Variants in CMSS1 observed in about 807,000 individuals in gnomAD.
CMSS1 encodes protein CMSS1.
Under a neutral mutation model 43.5 loss-of-function variants are expected in CMSS1, and 33 were observed. The observed-to-expected ratio is 0.76, with a 90% CI of 0.57 to 1.01. The LOEUF (loss-of-function observed/expected upper bound fraction) is 1.01. CMSS1 is among the 50% of genes least tolerant of loss of function. The pLI, the probability that CMSS1 is intolerant of heterozygous loss-of-function variation, is 0.00. For missense variants in CMSS1, 313 were observed against 326.4 expected (o/e 0.96, Z 0.32); for synonymous variants, 115 against 117.2 (o/e 0.98, Z 0.12).
intron 1 of CMSS1, among the ~76,000 whole-genome samples, chr3:99,933,118 G>A (rs1425215666): frequency 1.3e-5 from 2 of 152,136 alleles, no homozygotes; most frequent in Non-Finnish European, 2.9e-5. Context: ...TGGCAAAACT[G>A]GGATTTGAGT....
chr3:99,992,688 T>C (rs947810007), intron 1 of CMSS1, among the ~76,000 whole-genome samples: 1 of 151,188 alleles, frequency 6.6e-6, no homozygotes, highest in African/African-American at 2.4e-5. Flanking sequence ...ATTTGTCTAG[T>C]TTTTTTTTGG....
chr3:100,132,549 G>A (rs2066717101), intron 1 of CMSS1, among the ~76,000 whole-genome samples: 1 of 152,092 alleles, frequency 6.6e-6, no homozygotes. Flanking sequence ...GCCAGGTGCG[G>A]TGGCTCACGC....
intron 1 of CMSS1, among the ~76,000 whole-genome samples, chr3:100,060,772 G>A (rs1234239982): frequency 6.6e-6 from 1 of 152,134 alleles, no homozygotes; most frequent in Non-Finnish European, 1.5e-5. Flanking sequence ...TGAGGTGGGA[G>A]GATAACGAGC....
rs116321051 is a variant in CMSS1, at chr3:99,842,924, G to A, written c.64+24881G>A. Among the ~76,000 whole-genome samples the A allele has an allele frequency of 5.7e-3, 867 of 152,288 alleles. 10 individuals are homozygous for A. Among genetic ancestry groups the A allele is most frequent in the African/African-American group, 0.016 (667 of 41,550 alleles). Reference sequence around the variant, plus strand: ...CTCCCTCAAGATTCCTTACCCTACAGCATTGCCTTTGGGGGATGGCTGCTC... The same window carrying A: ...CTCCCTCAAGATTCCTTACCCTACAACATTGCCTTTGGGGGATGGCTGCTC... On this transcript the variant is annotated intron_variant, in intron 1 of 9. Transcript: ENST00000421999.
At chr3:100,139,357 A>AT (rs1559769003) in intron 1 of CMSS1, among the ~76,000 whole-genome samples, 1 of 151,742 alleles carries the variant, frequency 6.6e-6, no homozygotes, top group Non-Finnish European at 1.5e-5. Context: ...TAAAAAAAAA[A>AT]CCCTTGAAAC....
At chr3:99,892,019 C>T (rs1234420347) in intron 1 of CMSS1, among the ~76,000 whole-genome samples, 3 of 152,116 alleles carry the variant, frequency 2.0e-5, no homozygotes, top group Non-Finnish European at 2.9e-5. Context: ...GTTGTTACTT[C>T]TTAGTTCAGG....
chr3:99,853,683 C>T (rs1943817386), intron 1 of CMSS1, among the ~76,000 whole-genome samples: 1 of 152,088 alleles, frequency 6.6e-6, no homozygotes, highest in Admixed American at 6.5e-5. Flanking sequence ...AGTTGGCATC[C>T]CCATCTGTTC....
At chr3:100,089,736 G>A (rs1006669427) in intron 1 of CMSS1, among the ~76,000 whole-genome samples, 7 of 152,140 alleles carry the variant, frequency 4.6e-5, no homozygotes, top group African/African-American at 1.7e-4. Flanking sequence ...TTCATTGCTC[G>A]TTAATAATCT....
intron 1 of CMSS1, among the ~76,000 whole-genome samples, chr3:99,935,517 G>A (rs571177231): frequency 2.6e-5 from 4 of 152,282 alleles, no homozygotes; most frequent in African/African-American, 9.6e-5. Context: ...CAGGGTCTGT[G>A]TTGTTGCTTA....
chr3:100,172,072 A>G, intron 7 of CMSS1, 173 bp downstream of exon 7: 1 of 641,228 alleles, frequency 1.6e-6, no homozygotes, highest in Non-Finnish European at 2.7e-6. Flanking sequence ...CTACCTCCCC[A>G]GTATGGCAGT....
chr3:99,965,907 G>T (rs975932319), intron 1 of CMSS1, among the ~76,000 whole-genome samples: 1 of 152,084 alleles, frequency 6.6e-6, no homozygotes, highest in Non-Finnish European at 1.5e-5. Context: ...GACCATTTCT[G>T]TACATAAGGC....
Position 100,162,377 on chromosome 3 carries a change from G to A in CMSS1, c.300G>A (p.Lys100=), listed in dbSNP as rs761596630. ...CTGAAGACCTACAGAAGCTGATGAAGGACTATTATAGCAGCAGACGCTTGG... is the reference window on the plus strand; with the variant it reads ...CTGAAGACCTACAGAAGCTGATGAAAGACTATTATAGCAGCAGACGCTTGG... ...GLPEDLQKLM[K]DYYSSRRLVI... Residue 100 remains lysine, a synonymous_variant, in exon 4 of 10, where the codon AAG becomes AAA. Coordinates refer to ENST00000421999, the MANE Select transcript of CMSS1 (RefSeq NM_032359.4). 3.1e-6 allele frequency: 5 copies of A among 1,613,600 alleles called. No homozygotes were observed. Among genetic ancestry groups the A allele is most frequent in the Middle Eastern group, 1.7e-4 (1 of 6,058 alleles).
intron 1 of CMSS1, among the ~76,000 whole-genome samples, chr3:99,963,340 A>G (rs560610504): frequency 6.6e-6 from 1 of 152,334 alleles, no homozygotes; most frequent in South Asian, 2.1e-4. Flanking sequence ...ATGAAGATAA[A>G]TAAGAGAAAG....
At chr3:99,912,206 C>G (rs1295239511) in intron 1 of CMSS1, among the ~76,000 whole-genome samples, 1 of 152,110 alleles carries the variant, frequency 6.6e-6, no homozygotes, top group African/African-American at 2.4e-5. Context: ...CATGTCTGAA[C>G]CCTGAAAACA....
chr3:99,879,759 A>G (rs1559673626), intron 1 of CMSS1, among the ~76,000 whole-genome samples: 1 of 152,170 alleles, frequency 6.6e-6, no homozygotes, highest in Non-Finnish European at 1.5e-5. Context: ...TGCCTCTGTG[A>G]GATAGTATAT....
intron 1 of CMSS1, among the ~76,000 whole-genome samples, chr3:100,014,916 T>TTTTTTTTTTTTTTTTC: frequency 6.9e-6 from 1 of 144,856 alleles, no homozygotes; most frequent in Non-Finnish European, 1.5e-5. Flanking sequence ...TTTTTTTTTT[T>TTTTTTTTTTTTTTTTC]TTGCCCCTGT....
intron 1 of CMSS1, among the ~76,000 whole-genome samples, chr3:99,828,450 C>CTT (rs540949688): frequency 2.1e-3 from 283 of 137,258 alleles, no homozygotes; most frequent in African/African-American, 7.2e-3. Flanking sequence ...TCACTGCACC[C>CTT]TTTTTTTTTT....
At chr3:100,018,318 C>A (rs1710404452) in intron 1 of CMSS1, among the ~76,000 whole-genome samples, 1 of 152,054 alleles carries the variant, frequency 6.6e-6, no homozygotes, top group South Asian at 2.1e-4. Flanking sequence ...AAGAGCAAAA[C>A]TCCATCTCCA....
At chr3:99,843,765 A>G (rs989022670) in intron 1 of CMSS1, among the ~76,000 whole-genome samples, 2 of 152,176 alleles carry the variant, frequency 1.3e-5, no homozygotes, top group East Asian at 1.9e-4. Context: ...GTAGCAGTCC[A>G]TGGCTTGTTA....
Sources: gnomAD v4.1 joint callset for allele counts (sites outside exome capture counted in the v4.1 genomes callset) on GRCh38, gnomAD v4.1.1 for gene constraint, MANE v1.5 for transcripts, NCBI Gene and HGNC (gene_info 2026-07-23, HGNC 2026-07-21) for gene names.